The following OPCML variants were observed in gnomAD, a reference collection of about 807,000 sequenced individuals.
OPCML encodes opioid-binding protein/cell adhesion molecule.
In OPCML, 13 loss-of-function variants were observed where a neutral mutation model predicts 37.8. The ratio of observed to expected loss-of-function variants is 0.34; its 90% CI spans 0.22 to 0.55. OPCML has a LOEUF of 0.55. OPCML is among the 20% of genes least tolerant of loss of function. The pLI is 0.91. For synonymous variants in OPCML, 176 were observed against 168.8 expected, an observed-to-expected ratio of 1.04 and a Z score of -0.33; for missense variants, 341 against 435.6, an observed-to-expected ratio of 0.78 and a Z score of 1.93.
intron 1 of OPCML, among the ~76,000 whole-genome samples, chr11:133,498,555 C>G (rs1174996197): frequency 6.6e-6 from 1 of 152,202 alleles, no homozygotes; most frequent in Non-Finnish European, 1.5e-5. Flanking sequence ...GACAACTGTA[C>G]TTGAAAATAT....
At chr11:133,413,588 A>G (rs1166910506) in intron 1 of OPCML, among the ~76,000 whole-genome samples, 3 of 152,162 alleles carry the variant, frequency 2.0e-5, no homozygotes, top group Non-Finnish European at 4.4e-5. Context: ...AGCAAGTCTC[A>G]AGTGAAGGAC....
intron 3 of OPCML, among the ~76,000 whole-genome samples, chr11:132,601,266 C>T (rs894640105): frequency 6.6e-6 from 1 of 152,108 alleles, no homozygotes; most frequent in Non-Finnish European, 1.5e-5. Flanking sequence ...TAGACCTATC[C>T]CTGCCTCCCA....
rs558852898 is a variant in OPCML at position 133,200,219 on chromosome 11, C to G, written c.62-257209G>C. Reference sequence around the variant, plus strand: ...GACTGCTGCAAACAAGACCTCTCTCCTTGGAGTGTCACACCGTCCTGTGCA... The same window carrying G: ...GACTGCTGCAAACAAGACCTCTCTCGTTGGAGTGTCACACCGTCCTGTGCA... On this transcript the variant is annotated intron_variant, in intron 1 of 7. Transcript: ENST00000524381. Among the ~76,000 whole-genome samples the G allele has an allele frequency of 1.1e-4, 17 of 152,306 alleles. No individual in the cohort carries two copies. In the South Asian group the frequency reaches 3.5e-3, roughly 32 times the overall value.
chr11:132,421,802 G>A (rs1350370073), intron 7 of OPCML, among the ~76,000 whole-genome samples: 1 of 152,164 alleles, frequency 6.6e-6, no homozygotes, highest in Non-Finnish European at 1.5e-5. Flanking sequence ...TGACTGTGGG[G>A]CCTCCAGCAG....
intron 1 of OPCML, among the ~76,000 whole-genome samples, chr11:132,996,618 C>CAAAAA (rs11285711): frequency 4.9e-5 from 6 of 123,370 alleles, no homozygotes; most frequent in African/African-American, 1.5e-4. Context: ...GGCTCCATCT[C>CAAAAA]AAAAAAAAAA....
At chr11:133,025,855 T>G (rs2136912335) in intron 1 of OPCML, among the ~76,000 whole-genome samples, 1 of 150,610 alleles carries the variant, frequency 6.6e-6, no homozygotes, top group East Asian at 2.0e-4. Flanking sequence ...TGCTTTAGCC[T>G]CCTGAGTAGC....
At chr11:132,884,794 T>A (rs972635287) in intron 2 of OPCML, among the ~76,000 whole-genome samples, 43 of 152,222 alleles carry the variant, frequency 2.8e-4, no homozygotes, top group African/African-American at 9.9e-4. Flanking sequence ...TTTACTAAAA[T>A]ATATAGGTGG....
At chr11:132,809,269 A>C (rs1939190896) in intron 2 of OPCML, among the ~76,000 whole-genome samples, 1 of 152,194 alleles carries the variant, frequency 6.6e-6, no homozygotes, top group Admixed American at 6.5e-5. Flanking sequence ...TGTTAACAGC[A>C]GGGAAATAGC....
At position 132,993,505 on chromosome 11, in the gene OPCML, C is replaced by T. The variant is rs73586493; in HGVS notation, c.62-50495G>A. On this transcript the variant is annotated intron_variant, in intron 1 of 7. Coordinates refer to ENST00000524381, the MANE Select transcript of OPCML (RefSeq NM_001012393.5). ...TAACCACCGTTGAGATGCCAGCAGG[C>T]GTGGCTGACCCTCCATGAATGACAC... 9.4e-3 allele frequency among the ~76,000 whole-genome samples: 1,432 copies of T among 152,262 alleles called. 20 individuals carry two copies. Among genetic ancestry groups the T allele is most frequent in the African/African-American group, 0.033 (1,362 of 41,554 alleles).
intron 2 of OPCML, among the ~76,000 whole-genome samples, chr11:132,697,858 G>A (rs1022067409): frequency 5.3e-5 from 8 of 151,814 alleles, no homozygotes; most frequent in Non-Finnish European, 8.8e-5. Context: ...CTTGTCCTCC[G>A]GGGCTCAAGT....
intron 2 of OPCML, among the ~76,000 whole-genome samples, chr11:132,729,604 A>G (rs899804148): frequency 2.6e-5 from 4 of 152,200 alleles, no homozygotes; most frequent in Non-Finnish European, 5.9e-5. Context: ...CACTTTCCCA[A>G]TGGGAAAGAC....
chr11:132,674,268 A>G (rs371349451), intron 2 of OPCML, among the ~76,000 whole-genome samples: 23 of 152,194 alleles, frequency 1.5e-4, no homozygotes, highest in African/African-American at 5.1e-4. Context: ...AGAACTAGAG[A>G]GGCTTGCAGC....
intron 2 of OPCML, among the ~76,000 whole-genome samples, chr11:132,914,943 A>G (rs937874942): frequency 2.6e-5 from 4 of 152,214 alleles, no homozygotes; most frequent in Admixed American, 6.5e-5. Context: ...CAAATGCTAT[A>G]AGTTATATAA....
chr11:132,942,823 A>T lies in OPCML; in HGVS notation c.146+103T>A, dbSNP rs537718342. On this transcript the variant is annotated intron_variant, in intron 2 of 7. Transcript: ENST00000524381. ...CGCCCCTCGGGCCTGCACAAGGCCC[A>T]CTCGCGTTCCGGTCCCCCATGGAGC... 32 of 1,466,858 alleles carry T rather than the reference A, an allele frequency of 2.2e-5. No individual in the cohort carries two copies. In the East Asian group the frequency reaches 6.6e-4, roughly 30 times the overall value. The allele number at this position is 1,466,858 out of a possible 1,614,324, so 90.9% of individuals were successfully genotyped here. A position where few individuals can be genotyped will look rare whatever the true frequency, so the allele number is the denominator to read the frequency against.
intron 1 of OPCML, chr11:133,298,494 T>C (rs1942689010): frequency 1.3e-5 from 2 of 152,270 alleles, no homozygotes; most frequent in African/African-American, 2.4e-5. Context: ...AAAAATTCTA[T>C]TGACCCAAGG....
intron 2 of OPCML, among the ~76,000 whole-genome samples, chr11:132,875,726 G>A (rs1942985956): frequency 6.6e-6 from 1 of 152,084 alleles, no homozygotes; most frequent in African/African-American, 2.4e-5. Context: ...GCCTCCCAAA[G>A]TGCTGGGATT....
chr11:133,486,561 C>T (rs899896921), intron 1 of OPCML, among the ~76,000 whole-genome samples: 1 of 152,092 alleles, frequency 6.6e-6, no homozygotes. Flanking sequence ...CTTTCCTCGA[C>T]ATCTATGTGG....
intron 2 of OPCML, among the ~76,000 whole-genome samples, chr11:132,813,436 AC>A (rs909041129): frequency 8.5e-5 from 13 of 152,216 alleles, no homozygotes; most frequent in Admixed American, 2.6e-4. Flanking sequence ...CAATGGTAGA[AC>A]CTGAGCACCA....
chr11:133,292,327 T>G (rs1592173226), intron 1 of OPCML, among the ~76,000 whole-genome samples: 4 of 152,276 alleles, frequency 2.6e-5, no homozygotes, highest in Admixed American at 2.6e-4. Flanking sequence ...CATAGTGGCT[T>G]TTCCGTTTCT....
Sources: gnomAD v4.1 joint callset for allele counts (sites outside exome capture counted in the v4.1 genomes callset) on GRCh38, gnomAD v4.1.1 for gene constraint, MANE v1.5 for transcripts, NCBI Gene and HGNC (gene_info 2026-07-23, HGNC 2026-07-21) for gene names.